Variants in NRG1 observed in about 807,000 individuals in gnomAD.
NRG1 encodes pro-neuregulin-1, membrane-bound isoform.
Under a neutral mutation model 63.8 loss-of-function variants are expected in NRG1, and 18 were observed. The ratio of observed to expected loss-of-function variants is 0.28; its 90% CI spans 0.19 to 0.42. NRG1 has a LOEUF of 0.42. Ranked by LOEUF, NRG1 falls within the 10% of genes least tolerant of loss-of-function variation. The pLI is 1.00. For synonymous variants in NRG1, 302 were observed against 301.3 expected, an observed-to-expected ratio of 1.00 and a Z score of -0.02; for missense variants, 762 against 814.7, an observed-to-expected ratio of 0.94 and a Z score of 0.79.
At chr8:32,348,366 C>A (rs1350491184) in intron 1 of NRG1, among the ~76,000 whole-genome samples, 1 of 152,092 alleles carries the variant, frequency 6.6e-6, no homozygotes, top group Admixed American at 6.6e-5. Flanking sequence ...CTTCTTGTGA[C>A]CATAAAATAA....
chr8:32,214,704 G>GA (rs1586139892), intron 1 of NRG1, among the ~76,000 whole-genome samples: 2 of 151,974 alleles, frequency 1.3e-5, no homozygotes, highest in African/African-American at 4.8e-5. Flanking sequence ...TTCTTTCAAG[G>GA]AAAAATCAGA....
intron 1 of NRG1, among the ~76,000 whole-genome samples, chr8:32,407,268 A>G (rs1299481796): frequency 2.7e-4 from 15 of 55,934 alleles, no homozygotes; most frequent in African/African-American, 7.0e-4. Context: ...GTGTGTGTAT[A>G]TATATATTAT....
At chr8:32,207,833 C>T (rs749817657) in intron 1 of NRG1, among the ~76,000 whole-genome samples, 31 of 152,088 alleles carry the variant, frequency 2.0e-4, no homozygotes, top group African/African-American at 5.3e-4. Context: ...CATCTCTAGC[C>T]CATTAGAATA....
intron 1 of NRG1, among the ~76,000 whole-genome samples, chr8:32,559,630 T>C (rs1316064791): frequency 6.6e-6 from 1 of 152,134 alleles, no homozygotes; most frequent in South Asian, 2.1e-4. Flanking sequence ...TTAAATTGAC[T>C]AGAGCTACCT....
At chr8:32,100,686 A>G (rs1427494360) in intron 1 of NRG1, among the ~76,000 whole-genome samples, 1 of 152,164 alleles carries the variant, frequency 6.6e-6, no homozygotes, top group Non-Finnish European at 1.5e-5. Context: ...TTTTCTAATG[A>G]CAATGCTAAA....
chr8:32,562,431 TAG>T (rs1046840616), intron 1 of NRG1, among the ~76,000 whole-genome samples: 2 of 151,942 alleles, frequency 1.3e-5, no homozygotes, highest in African/African-American at 4.8e-5. Context: ...TTTAATTTTG[TAG>T]AGATGGGGTC....
intron 1 of NRG1, among the ~76,000 whole-genome samples, chr8:32,422,642 G>T (rs1816830334): frequency 6.6e-6 from 1 of 152,148 alleles, no homozygotes; most frequent in Non-Finnish European, 1.5e-5. Flanking sequence ...CAACCCAAAG[G>T]GTCATATGAG....
chr8:32,044,907 GA>G (rs1255100372), intron 1 of NRG1, among the ~76,000 whole-genome samples: 1 of 4,296 alleles, frequency 2.3e-4, no homozygotes, highest in Non-Finnish European at 5.8e-4. Flanking sequence ...CTTACATAAA[GA>G]AAAGCAAAAA....
chr8:32,549,542 C>T (rs1833734239), intron 1 of NRG1, among the ~76,000 whole-genome samples: 1 of 152,154 alleles, frequency 6.6e-6, no homozygotes, highest in Admixed American at 6.5e-5. Flanking sequence ...TTTTTCAAGA[C>T]CTCTGTGATA....
chr8:32,513,281 A>C (rs1829435125), intron 1 of NRG1, among the ~76,000 whole-genome samples: 1 of 151,770 alleles, frequency 6.6e-6, no homozygotes, highest in African/African-American at 2.4e-5. Flanking sequence ...TGCTTAAGCA[A>C]GTGATATCTT....
intron 1 of NRG1, among the ~76,000 whole-genome samples, chr8:31,791,960 G>C (rs1253029370): frequency 6.6e-6 from 1 of 152,162 alleles, no homozygotes; most frequent in Non-Finnish European, 1.5e-5. Context: ...ACATGTTCTA[G>C]CTCCTTGGTT....
At chr8:32,242,428 C>T (rs1167955421) in intron 1 of NRG1, among the ~76,000 whole-genome samples, 3 of 152,028 alleles carry the variant, frequency 2.0e-5, no homozygotes, top group East Asian at 3.9e-4. Flanking sequence ...GAGCCGAGAT[C>T]GTGCAATTGC....
At chr8:32,207,138 G>C (rs1844148746) in intron 1 of NRG1, among the ~76,000 whole-genome samples, 1 of 152,028 alleles carries the variant, frequency 6.6e-6, no homozygotes, top group African/African-American at 2.4e-5. Flanking sequence ...TCAAATACAT[G>C]TTTATAACAC....
rs145411766 is a variant in NRG1 at position 32,498,555 on chromosome 8, A to G, written c.38-97273A>G. On this transcript the variant is annotated intron_variant, in intron 1 of 10. Coordinates refer to the NRG1 transcript ENST00000519301. ...CACTCACTATCGTGAGAACTCACTT[A>G]CTATCATGAGAACAGCATGAGGGTA... Among the ~76,000 whole-genome samples the G allele has an allele frequency of 1.3e-4, 20 of 151,614 alleles. No individual in the cohort carries two copies. In the East Asian group the frequency reaches 3.0e-3, roughly 23 times the overall value.
chr8:31,967,984 T>C (rs1355388090), intron 1 of NRG1, among the ~76,000 whole-genome samples: 3 of 152,174 alleles, frequency 2.0e-5, no homozygotes, highest in Admixed American at 1.3e-4. Flanking sequence ...TTAATTTTAG[T>C]TGTTTCAAGT....
chr8:31,873,415 CG>C (rs1829656027), intron 1 of NRG1, among the ~76,000 whole-genome samples: 1 of 152,004 alleles, frequency 6.6e-6, no homozygotes, highest in Non-Finnish European at 1.5e-5. Flanking sequence ...AAAAATTAGC[CG>C]GGCGTGGTGG....
intron 1 of NRG1, among the ~76,000 whole-genome samples, chr8:31,712,136 C>T (rs1018575395): frequency 1.3e-5 from 2 of 150,794 alleles, no homozygotes; most frequent in African/African-American, 4.9e-5. Flanking sequence ...CTTTATGTTC[C>T]TTATTCTATT....
intron 1 of NRG1, among the ~76,000 whole-genome samples, chr8:31,937,692 G>A (rs151097368): frequency 1.8e-4 from 28 of 152,266 alleles, no homozygotes; most frequent in East Asian, 5.8e-4. Flanking sequence ...GAGTGAGACC[G>A]GCCTTTAGGA....
intron 5 of NRG1, among the ~76,000 whole-genome samples, chr8:32,650,267 G>A (rs1347613371): frequency 6.6e-6 from 1 of 151,990 alleles, no homozygotes; most frequent in Admixed American, 6.6e-5. Flanking sequence ...TGCAATAAAT[G>A]GGAAAGATTT....
Sources: gnomAD v4.1 joint callset for allele counts (sites outside exome capture counted in the v4.1 genomes callset) on GRCh38, gnomAD v4.1.1 for gene constraint, MANE v1.5 for transcripts, NCBI Gene and HGNC (gene_info 2026-07-23, HGNC 2026-07-21) for gene names.